The following KIF6 variants were observed in gnomAD, a reference collection of about 807,000 sequenced individuals.
The protein encoded by KIF6 is kinesin family member 6, also known as kinesin-like protein KIF6.
KIF6 carries 106 observed loss-of-function variants against 112.7 expected under a neutral mutation model. The observed-to-expected ratio is 0.94, with a 90% CI of 0.80 to 1.11. The LOEUF (loss-of-function observed/expected upper bound fraction) is 1.11. Among genes scored for constraint, KIF6 ranks in the 50% least tolerant of loss-of-function variants. KIF6 has a pLI of 0.00. For missense variants in KIF6, 929 were observed against 964.0 expected, an observed-to-expected ratio of 0.96 and a Z score of 0.48; for synonymous variants, 339 against 339.9, an observed-to-expected ratio of 1.00 and a Z score of 0.03.
At chr6:39,360,921 A>C (rs1447186224) in intron 17 of KIF6, among the ~76,000 whole-genome samples, 1 of 152,172 alleles carries the variant, frequency 6.6e-6, no homozygotes, top group Non-Finnish European at 1.5e-5. Flanking sequence ...TCCATTTTAC[A>C]GATTCGGAAC....
intron 3 of KIF6, among the ~76,000 whole-genome samples, chr6:39,706,002 C>T (rs556166220): frequency 7.2e-5 from 11 of 152,274 alleles, no homozygotes; most frequent in East Asian, 1.9e-4. Context: ...AGTGCATCTC[C>T]GATCCACTGG....
chr6:39,558,941 A>G (rs917988765), intron 10 of KIF6, among the ~76,000 whole-genome samples: 1 of 152,210 alleles, frequency 6.6e-6, no homozygotes, highest in Non-Finnish European at 1.5e-5. Flanking sequence ...ATATGAGATA[A>G]CTATTTCTTA....
rs533456636 is a variant in KIF6 at position 39,336,395 on chromosome 6, C to G, written c.*137G>C. On this transcript the variant is annotated 3_prime_UTR_variant, in exon 23 of 23. Transcript: ENST00000287152. The stretch of plus-strand genomic sequence containing the variant: ...AGCATCCTTAAAGAAACACAGTCCC[C>G]TCCATGGGAATCAAAGTCACTAGTT... The G allele has an allele frequency of 8.2e-4, 686 of 840,698 alleles. 5 individuals carry two copies. The highest frequency in any genetic ancestry group is 1.7e-4 in the Non-Finnish European group (85 of 502,620). The allele number at this position is 840,698 out of a possible 1,614,324, so 52.1% of individuals were successfully genotyped here.
At chr6:39,622,611 A>G (rs1783888703) in intron 5 of KIF6, among the ~76,000 whole-genome samples, 1 of 152,092 alleles carries the variant, frequency 6.6e-6, no homozygotes, top group African/African-American at 2.4e-5. Flanking sequence ...CTTCTCCCTA[A>G]CTATTAGGCT....
At chr6:39,429,626 T>C (rs983171725) in intron 14 of KIF6, among the ~76,000 whole-genome samples, 6 of 152,218 alleles carry the variant, frequency 3.9e-5, no homozygotes, top group Admixed American at 1.3e-4. Context: ...AAAATGTTTT[T>C]AGGCCAGGCG....
intron 13 of KIF6, among the ~76,000 whole-genome samples, chr6:39,504,803 G>C (rs1776341595): frequency 6.6e-6 from 1 of 152,108 alleles, no homozygotes; most frequent in Non-Finnish European, 1.5e-5. Flanking sequence ...GGAAGTGAAG[G>C]ACCTCTTTGA....
intron 3 of KIF6, among the ~76,000 whole-genome samples, chr6:39,685,649 GCCATA>G (rs1787819316): frequency 1.3e-5 from 2 of 152,228 alleles, no homozygotes; most frequent in Non-Finnish European, 2.9e-5. Context: ...CAGCAGCCCA[GCCATA>G]GAGATAGAGT....
chr6:39,336,431 G>GC lies in KIF6; in HGVS notation c.*100dup. ...TCAAAGTCACTAGTTGCTCCCAGCA[G>GC]CCCATAGTTCACTTCTGAAGCCAGA... On this transcript the variant is annotated 3_prime_UTR_variant, in exon 23 of 23. Transcript: ENST00000287152. The GC allele has an allele frequency of 1.8e-6, 2 of 1,132,234 alleles. No homozygotes were observed. The highest frequency in any genetic ancestry group is 2.7e-6 in the Non-Finnish European group (2 of 746,838). The allele number at this position is 1,132,234 out of a possible 1,614,324, so 70.1% of individuals were successfully genotyped here. A position where few individuals can be genotyped will look rare whatever the true frequency, so the allele number is the denominator to read the frequency against.
chr6:39,603,547 T>G (rs1021448498), intron 6 of KIF6, among the ~76,000 whole-genome samples: 3 of 147,406 alleles, frequency 2.0e-5, no homozygotes, highest in African/African-American at 7.5e-5. Flanking sequence ...TTGTGGGGGG[T>G]GTGTGTGTGT....
At chr6:39,425,793 CAA>C (rs549490182) in intron 14 of KIF6, among the ~76,000 whole-genome samples, 20 of 62,860 alleles carry the variant, frequency 3.2e-4, no homozygotes, top group Admixed American at 7.5e-4. Flanking sequence ...GATGTAAATA[CAA>C]AAAAAAAAAA....
At chr6:39,453,145 A>G (rs1454934543) in intron 13 of KIF6, among the ~76,000 whole-genome samples, 1 of 152,258 alleles carries the variant, frequency 6.6e-6, no homozygotes, top group Admixed American at 6.5e-5. Flanking sequence ...CTTCTACTAC[A>G]GAGCATTTTC....
chr6:39,538,359 C>T (rs1237173410), intron 13 of KIF6, among the ~76,000 whole-genome samples: 4 of 151,544 alleles, frequency 2.6e-5, no homozygotes, highest in African/African-American at 9.7e-5. Context: ...TGAACTCAAA[C>T]AAATTTACAA....
intron 3 of KIF6, chr6:39,690,095 T>G (rs1788103486): frequency 6.6e-6 from 1 of 152,260 alleles, no homozygotes; most frequent in African/African-American, 2.4e-5. Context: ...GCTATTTATA[T>G]AATGTGAATA....
intron 16 of KIF6, among the ~76,000 whole-genome samples, chr6:39,383,259 T>A (rs1767122811): frequency 6.6e-6 from 1 of 152,208 alleles, no homozygotes; most frequent in South Asian, 2.1e-4. Flanking sequence ...TCTAGAAAAG[T>A]ATATCCTAGG....
At chr6:39,432,635 A>T (rs1771241699) in intron 13 of KIF6, among the ~76,000 whole-genome samples, 1 of 152,142 alleles carries the variant, frequency 6.6e-6, no homozygotes, top group East Asian at 1.9e-4. Flanking sequence ...ACACTCTAGA[A>T]TTGGGTAGGC....
chr6:39,684,541 G>A (rs1368794869), intron 3 of KIF6, among the ~76,000 whole-genome samples: 12 of 151,838 alleles, frequency 7.9e-5, no homozygotes, highest in African/African-American at 2.4e-4. Context: ...CTTTGAACCC[G>A]GGAGGCGGAG....
chr6:39,604,582 AT>A (rs1447356719), intron 6 of KIF6, among the ~76,000 whole-genome samples: 1 of 152,110 alleles, frequency 6.6e-6, no homozygotes, highest in African/African-American at 2.4e-5. Flanking sequence ...AGTCAAAATG[AT>A]TTTCCCCAGT....
intron 10 of KIF6, among the ~76,000 whole-genome samples, chr6:39,549,636 A>AAT (rs1415311701): frequency 6.6e-6 from 1 of 152,236 alleles, no homozygotes; most frequent in Admixed American, 6.5e-5. Flanking sequence ...TGAGGAGGCA[A>AAT]ATAGGTGGAC....
intron 19 of KIF6, among the ~76,000 whole-genome samples, chr6:39,349,024 G>A (rs755945561): frequency 1.3e-5 from 2 of 152,196 alleles, no homozygotes; most frequent in Non-Finnish European, 1.5e-5. Context: ...TGGCTTGCCC[G>A]AGGGTGTGCT....
Sources: gnomAD v4.1 joint callset for allele counts (sites outside exome capture counted in the v4.1 genomes callset) on GRCh38, gnomAD v4.1.1 for gene constraint, MANE v1.5 for transcripts, NCBI Gene and HGNC (gene_info 2026-07-23, HGNC 2026-07-21) for gene names.